UQCRH: variants seen among roughly 807,000 people sequenced by gnomAD.
The protein encoded by UQCRH is ubiquinol-cytochrome c reductase hinge protein.
Under a neutral mutation model 16.3 loss-of-function variants are expected in UQCRH, and 14 were observed. The observed-to-expected ratio is 0.86, with a 90% CI of 0.57 to 1.34. The LOEUF is 1.34. Among genes scored for constraint, UQCRH ranks in the 40% most tolerant of loss-of-function variants. The pLI, the probability that UQCRH is intolerant of heterozygous loss-of-function variation, is 0.00. For synonymous variants in UQCRH, 41 were observed against 41.9 expected (o/e 0.98, Z 0.08); for missense variants, 89 against 111.9 (o/e 0.80, Z 0.92).
chr1:46,304,810 T>C (rs1464441531), intron 1 of UQCRH, among the ~76,000 whole-genome samples: 1 of 152,272 alleles, frequency 6.6e-6, no homozygotes, highest in Admixed American at 6.5e-5. Flanking sequence ...AGCTACCAAA[T>C]TGGTGCAGCC....
At chr1:46,304,861 C>CT (rs989662693) in intron 1 of UQCRH, among the ~76,000 whole-genome samples, 16 of 152,172 alleles carry the variant, frequency 1.1e-4, no homozygotes, top group African/African-American at 3.9e-4. Context: ...AACCAGGACT[C>CT]TTATCAATTT....
At chr1:46,304,542 C>T (rs1455507728) in intron 1 of UQCRH, among the ~76,000 whole-genome samples, 3 of 152,026 alleles carry the variant, frequency 2.0e-5, no homozygotes. Context: ...TCCGCCACCA[C>T]GCCTGGCTAA....
At chr1:46,310,016 T>C (rs2148334791) in intron 2 of UQCRH, 139 bp from the exon 3 acceptor site, 1 of 1,514,798 alleles carries the variant, frequency 6.6e-7, no homozygotes, top group Admixed American at 2.0e-5. Flanking sequence ...CTGGCGGCAG[T>C]GTGGCTCTGC....
intron 2 of UQCRH, 130 bp from the exon 3 acceptor site, chr1:46,310,025 G>C: frequency 6.6e-7 from 1 of 1,523,766 alleles, no homozygotes; most frequent in Non-Finnish European, 8.8e-7. Context: ...GTGTGGCTCT[G>C]CCAGCTGGCC....
Position 46,310,193 on chromosome 1 carries a change from G to C in UQCRH, c.120G>C (p.Leu40Phe), listed in dbSNP as rs755064731. The C allele has an allele frequency of 1.2e-6, 2 of 1,614,098 alleles. No homozygotes were observed. Among genetic ancestry groups the C allele is most frequent in the Non-Finnish European group, 1.7e-6 (2 of 1,180,050 alleles). The change falls in exon 3 of 4, where the codon TTG (leucine) becomes TTC (phenylalanine). Residue 40 changes from leucine (L) to phenylalanine (F), a missense_variant. Coordinates refer to ENST00000311672, the MANE Select transcript of UQCRH (RefSeq NM_006004.4). The stretch of plus-strand genomic sequence containing the variant: ...CAGTGAGAGAGCAATGCGAGCAGTT[G>C]GAGAAATGTGTAAAGGCCCGGGAGC... Reference protein sequence around the residue: ...LTTVREQCEQLEKCVKARERL... With the variant: ...LTTVREQCEQFEKCVKARERL...
intron 2 of UQCRH, chr1:46,309,844 C>T (rs1416985076): frequency 3.8e-6 from 5 of 1,312,944 alleles, no homozygotes; most frequent in Non-Finnish European, 4.9e-6. Flanking sequence ...GTAAGGCCTC[C>T]TATAGATCTA....
intron 3 of UQCRH, among the ~76,000 whole-genome samples, chr1:46,314,731 T>A (rs1276848956): frequency 6.6e-6 from 1 of 151,366 alleles, no homozygotes; most frequent in South Asian, 2.1e-4. Context: ...TGATGAACCT[T>A]GGAGACATTA....
chr1:46,304,900 C>T (rs1041909235), intron 1 of UQCRH, among the ~76,000 whole-genome samples: 1 of 152,218 alleles, frequency 6.6e-6, no homozygotes, highest in Non-Finnish European at 1.5e-5. Context: ...TGTTTCTAAT[C>T]TCATTTCCTG....
chr1:46,311,433 C>G (rs575856435), intron 3 of UQCRH, among the ~76,000 whole-genome samples: 1 of 148,938 alleles, frequency 6.7e-6, no homozygotes, highest in Non-Finnish European at 1.5e-5. Flanking sequence ...AAAAATTAGC[C>G]GGGCGTGGTG....
chr1:46,308,956 A>G (rs1311463003), intron 1 of UQCRH, 145 bp from the exon 2 acceptor site: 3 of 1,040,916 alleles, frequency 2.9e-6, no homozygotes, highest in East Asian at 5.5e-5. Flanking sequence ...CAAGGCCTCT[A>G]AAATGTAAAA....
intron 1 of UQCRH, among the ~76,000 whole-genome samples, chr1:46,304,629 C>T (rs1661329674): frequency 6.6e-6 from 1 of 152,078 alleles, no homozygotes. Context: ...TAGTGATCCG[C>T]CCACCCCGGC....
chr1:46,313,387 G>GGGAGGC (rs1183676285), intron 3 of UQCRH, among the ~76,000 whole-genome samples: 3 of 152,316 alleles, frequency 2.0e-5, no homozygotes, highest in South Asian at 4.1e-4. Context: ...CCAGCCCTTT[G>GGGAGGC]GGAGGCGGAG....
rs1661303700 is a variant in UQCRH at position 46,303,784 on chromosome 1, G to T, written c.18G>T (p.Glu6Asp). Residue 6 changes from glutamate to aspartate, a missense_variant, in exon 1 of 4, where the codon GAG becomes GAT. Coordinates refer to ENST00000311672, the MANE Select transcript of UQCRH (RefSeq NM_006004.4). ...AGCCAGACATGGGACTGGAGGACGA[G>T]CAAAAGATGCTTACCGAATCCGGAG... MGLED[E>D]QKMLTESGDP... is the part of the protein sequence containing the mutation. 6.2e-7 allele frequency: 1 copy of T among 1,614,068 alleles called. No homozygotes were observed. The highest frequency in any genetic ancestry group is 8.5e-7 in the Non-Finnish European group (1 of 1,180,036).
At chr1:46,305,596 T>A (rs1661358242) in intron 1 of UQCRH, among the ~76,000 whole-genome samples, 2 of 150,020 alleles carry the variant, frequency 1.3e-5, no homozygotes, top group South Asian at 4.2e-4. Context: ...CTACTGAAAA[T>A]ACAAAAAATT....
At chr1:46,312,102 T>C (rs1661490164) in intron 3 of UQCRH, among the ~76,000 whole-genome samples, 1 of 151,044 alleles carries the variant, frequency 6.6e-6, no homozygotes, top group Admixed American at 6.6e-5. Flanking sequence ...TAATTTTTTT[T>C]TTTTTTAATT....
rs1196243713 is a variant in UQCRH, at chr1:46,311,074, CA to C, written c.243+773del. ...TGGGCGACAGAGCGAGACTCCATCT[CA>C]AAAAAAAAAAAAAATAATAATAATA... On this transcript the variant is annotated intron_variant, in intron 3 of 3. Coordinates refer to ENST00000311672, the MANE Select transcript of UQCRH (RefSeq NM_006004.4). Among the ~76,000 whole-genome samples the C allele has an allele frequency of 5.6e-3, 818 of 144,890 alleles. 8 individuals carry two copies. The highest frequency in any genetic ancestry group is 0.019 in the African/African-American group (715 of 38,580).
At chr1:46,309,057 G>T in intron 1 of UQCRH, 44 bp from the exon 2 acceptor site, 1 of 1,602,022 alleles carries the variant, frequency 6.2e-7, no homozygotes, top group Admixed American at 1.7e-5. Context: ...GAATAAATAT[G>T]TCATAAAATT....
At chr1:46,313,357 G>C (rs1317371948) in intron 3 of UQCRH, among the ~76,000 whole-genome samples, 1 of 152,124 alleles carries the variant, frequency 6.6e-6, no homozygotes, top group Admixed American at 6.5e-5. Flanking sequence ...AGCCGGGCGC[G>C]GTGGCTCACG....
intron 3 of UQCRH, among the ~76,000 whole-genome samples, chr1:46,314,733 G>A (rs958570543): frequency 6.6e-6 from 1 of 151,896 alleles, no homozygotes; most frequent in African/African-American, 2.4e-5. Context: ...ATGAACCTTG[G>A]AGACATTAAA....
Sources: gnomAD v4.1 joint callset for allele counts (sites outside exome capture counted in the v4.1 genomes callset) on GRCh38, gnomAD v4.1.1 for gene constraint, MANE v1.5 for transcripts, NCBI Gene and HGNC (gene_info 2026-07-23, HGNC 2026-07-21) for gene names.